CDH9: variants seen among roughly 807,000 people sequenced by gnomAD.
CDH9 encodes the protein cadherin 9, also known as cadherin-9.
CDH9 carries 28 observed loss-of-function variants against 70.9 expected under a neutral mutation model. The observed-to-expected ratio is 0.40, with a 90% confidence interval of 0.29 to 0.54. The LOEUF (loss-of-function observed/expected upper bound fraction) is 0.54, where lower values mean the gene tolerates loss of function less well. CDH9 is among the 20% of genes least tolerant of loss of function. CDH9 has a pLI of 0.59. For missense variants in CDH9, 874 were observed against 984.4 expected (o/e 0.89, Z 1.50); for synonymous variants, 409 against 343.1 (o/e 1.19, Z -2.12).
At chr5:26,992,153 T>C (rs957078842) in intron 1 of CDH9, among the ~76,000 whole-genome samples, 1 of 152,182 alleles carries the variant, frequency 6.6e-6, no homozygotes, top group Admixed American at 6.5e-5. Flanking sequence ...AATTGAATGC[T>C]GCTGCTGATC....
intron 9 of CDH9, among the ~76,000 whole-genome samples, chr5:26,887,773 T>A (rs1740589917): frequency 6.6e-6 from 1 of 151,952 alleles, no homozygotes; most frequent in African/African-American, 2.4e-5. Context: ...AAGAAGCAAG[T>A]TTGGACACAG....
At chr5:27,025,410 G>A (rs951744878) in intron 1 of CDH9, among the ~76,000 whole-genome samples, 1 of 151,994 alleles carries the variant, frequency 6.6e-6, no homozygotes, top group Non-Finnish European at 1.5e-5. Context: ...CCAATCAGAA[G>A]ACTGACCAGA....
chr5:26,949,216 C>T (rs527348778), intron 2 of CDH9, among the ~76,000 whole-genome samples: 6 of 152,168 alleles, frequency 3.9e-5, no homozygotes, highest in East Asian at 3.9e-4. Flanking sequence ...TACCAAGCAA[C>T]GAGGTTTGTC....
At chr5:26,905,770 A>G (rs908976449) in intron 5 of CDH9, among the ~76,000 whole-genome samples, 189 bp downstream of exon 5, 2 of 151,936 alleles carry the variant, frequency 1.3e-5, no homozygotes, top group African/African-American at 4.8e-5. Flanking sequence ...CCAAAAAATG[A>G]TGAAAATAAT....
chr5:27,000,448 T>C (rs1742744495), intron 1 of CDH9, among the ~76,000 whole-genome samples: 1 of 152,032 alleles, frequency 6.6e-6, no homozygotes, highest in Admixed American at 6.6e-5. Context: ...TGGAAAACTA[T>C]TTGGAAGATT....
intron 1 of CDH9, among the ~76,000 whole-genome samples, chr5:27,036,568 A>G (rs1388640029): frequency 2.0e-5 from 3 of 151,874 alleles, no homozygotes; most frequent in Non-Finnish European, 2.9e-5. Context: ...TATCCTAGAA[A>G]AATTATTATC....
At chr5:26,968,992 T>C (rs1470022681) in intron 2 of CDH9, among the ~76,000 whole-genome samples, 1 of 152,172 alleles carries the variant, frequency 6.6e-6, no homozygotes, top group East Asian at 1.9e-4. Context: ...TTAGCTGACG[T>C]TTGCCCTCCT....
chr5:26,995,120 G>C (rs933331111), intron 1 of CDH9, among the ~76,000 whole-genome samples: 2 of 152,136 alleles, frequency 1.3e-5, no homozygotes, highest in African/African-American at 4.8e-5. Context: ...AACACATATA[G>C]TGGTTAAATA....
intron 3 of CDH9, among the ~76,000 whole-genome samples, chr5:26,910,094 A>G (rs951524772): frequency 6.6e-6 from 1 of 152,106 alleles, no homozygotes; most frequent in Non-Finnish European, 1.5e-5. Context: ...CTTCATATAT[A>G]AAAGAAAAAA....
chr5:26,885,779 T>G lies in CDH9; in HGVS notation c.1717A>C (p.Asn573His). Residue 573 changes from asparagine to histidine, a missense_variant, in exon 11 of 12, where the codon AAC (asparagine) becomes CAC (histidine). Transcript: ENST00000231021. ...GTGCTGCTTTGAATTGGATAATCGTTGTCAAAGATTAAAATCGGCAATAAG... is the reference window on the plus strand; with the variant it reads ...GTGCTGCTTTGAATTGGATAATCGTGGTCAAAGATTAAAATCGGCAATAAG... ...TYLLPILIFD[N>H]DYPIQSSTGT... 2 of 1,613,958 alleles carry G rather than the reference T, an allele frequency of 1.2e-6. No individual in the cohort carries two copies. The highest frequency in any genetic ancestry group is 2.2e-5 in the South Asian group (2 of 91,086).
intron 1 of CDH9, among the ~76,000 whole-genome samples, chr5:27,034,781 G>A (rs1476220533): frequency 2.6e-5 from 4 of 151,650 alleles, no homozygotes; most frequent in Non-Finnish European, 4.4e-5. Context: ...AATGTGGCTA[G>A]AAGACTATGT....
chr5:26,923,624 A>G (rs926914994), intron 2 of CDH9, among the ~76,000 whole-genome samples: 2 of 152,028 alleles, frequency 1.3e-5, no homozygotes, highest in African/African-American at 4.8e-5. Flanking sequence ...CAGAACATAC[A>G]TTCTTATTGA....
chr5:26,979,621 G>A (rs1450602114), intron 2 of CDH9, among the ~76,000 whole-genome samples: 3 of 151,724 alleles, frequency 2.0e-5, no homozygotes, highest in Non-Finnish European at 3.0e-5. Flanking sequence ...CCAACTCTGA[G>A]CCCTTTATAT....
At chr5:26,895,855 A>T (rs1470205151) in intron 7 of CDH9, among the ~76,000 whole-genome samples, 1 of 152,020 alleles carries the variant, frequency 6.6e-6, no homozygotes, top group Non-Finnish European at 1.5e-5. Context: ...ATCCTTCTAA[A>T]TTTGATCGTA....
intron 7 of CDH9, among the ~76,000 whole-genome samples, chr5:26,892,376 G>T (rs1029814737): frequency 6.6e-6 from 1 of 152,116 alleles, no homozygotes; most frequent in Non-Finnish European, 1.5e-5. Flanking sequence ...AGCTGAGATT[G>T]TGCATTTTTA....
intron 3 of CDH9, among the ~76,000 whole-genome samples, chr5:26,912,000 A>G (rs1024783711): frequency 6.6e-6 from 1 of 152,120 alleles, no homozygotes; most frequent in Non-Finnish European, 1.5e-5. Context: ...ATGAATGGAA[A>G]TAAGGGGCAG....
intron 2 of CDH9, among the ~76,000 whole-genome samples, chr5:26,978,478 T>C (rs1742341296): frequency 1.3e-5 from 2 of 151,804 alleles, no homozygotes; most frequent in African/African-American, 4.8e-5. Flanking sequence ...AGAGACAATA[T>C]TATATTAACC....
chr5:26,928,308 G>T (rs1741381064), intron 2 of CDH9, among the ~76,000 whole-genome samples: 1 of 151,940 alleles, frequency 6.6e-6, no homozygotes, highest in Admixed American at 6.6e-5. Context: ...AGAGATCTCT[G>T]CAATAAAATC....
intron 11 of CDH9, among the ~76,000 whole-genome samples, chr5:26,883,052 T>G (rs868390994): frequency 0.14 from 9,401 of 66,774 alleles, 1,565 homozygotes; most frequent in East Asian, 0.32. Context: ...TATATATATA[T>G]ATATATATAT....
Sources: gnomAD v4.1 joint callset for allele counts (sites outside exome capture counted in the v4.1 genomes callset) on GRCh38, gnomAD v4.1.1 for gene constraint, MANE v1.5 for transcripts, NCBI Gene and HGNC (gene_info 2026-07-23, HGNC 2026-07-21) for gene names.